Variants in KLF12 observed in about 807,000 individuals in gnomAD.
The protein encoded by KLF12 is Krueppel-like factor 12.
Under a neutral mutation model 37.8 loss-of-function variants are expected in KLF12, and 9 were observed. That is an observed-to-expected ratio of 0.24 (90% CI 0.14 to 0.42). The LOEUF is 0.42. Ranked by LOEUF, KLF12 falls within the 10% of genes least tolerant of loss-of-function variation. The pLI is 1.00. For missense variants in KLF12, 411 were observed against 516.0 expected (o/e 0.80, Z 1.97); for synonymous variants, 208 against 202.1 (o/e 1.03, Z -0.25).
intron 5 of KLF12, among the ~76,000 whole-genome samples, chr13:73,767,110 T>C (rs965607143): frequency 6.6e-6 from 1 of 152,246 alleles, no homozygotes; most frequent in Admixed American, 6.5e-5. Context: ...ACATACTTCA[T>C]CTGATAAAGT....
At chr13:73,770,988 C>T (rs1880231874) in intron 5 of KLF12, among the ~76,000 whole-genome samples, 1 of 152,088 alleles carries the variant, frequency 6.6e-6, no homozygotes, top group African/African-American at 2.4e-5. Context: ...ATTTGGTGTG[C>T]AATTATAATG....
chr13:73,741,081 C>T (rs9530233), intron 6 of KLF12, among the ~76,000 whole-genome samples: 1 of 152,072 alleles, frequency 6.6e-6, no homozygotes, highest in African/African-American at 2.4e-5. Context: ...TCTATAACAT[C>T]GTTCTGCTGA....
the KLF12 span, among the ~76,000 whole-genome samples, chr13:74,202,402 C>T: frequency 6.6e-6 from 1 of 152,160 alleles, no homozygotes; most frequent in South Asian, 2.1e-4. Context: ...AACCTGCAAA[C>T]AAACTCACAC....
chr13:74,124,138 T>G (rs550449749), intron 1 of KLF12, among the ~76,000 whole-genome samples: 3 of 151,800 alleles, frequency 2.0e-5, no homozygotes, highest in African/African-American at 7.2e-5. Flanking sequence ...AATATAGTGC[T>G]AAAAAAAAAT....
chr13:73,727,316 T>C (rs757379359), intron 6 of KLF12, among the ~76,000 whole-genome samples: 2 of 152,226 alleles, frequency 1.3e-5, no homozygotes, highest in African/African-American at 2.4e-5. Context: ...AAGACTTTTA[T>C]AGCTTTGACT....
At chr13:74,173,283 GT>G in the KLF12 span, among the ~76,000 whole-genome samples, 11 of 152,302 alleles carry the variant, frequency 7.2e-5, no homozygotes, top group East Asian at 2.1e-3. Context: ...TACAGCTCCA[GT>G]TCTAGTCTCA....
At chr13:74,019,928 C>T (rs1043459156) in intron 1 of KLF12, among the ~76,000 whole-genome samples, 1 of 152,118 alleles carries the variant, frequency 6.6e-6, no homozygotes, top group Non-Finnish European at 1.5e-5. Flanking sequence ...ATTTCAAAAT[C>T]TTTAGGGATC....
intron 2 of KLF12, among the ~76,000 whole-genome samples, chr13:73,953,256 A>G (rs760076085): frequency 5.9e-5 from 9 of 152,200 alleles, no homozygotes; most frequent in Non-Finnish European, 1.2e-4. Context: ...GGTTCAAATC[A>G]TATAAAAAAG....
chr13:74,071,642 A>G lies in KLF12; in HGVS notation c.-32+62097T>C, dbSNP rs540593458. On this transcript the variant is annotated intron_variant, in intron 1 of 7. Coordinates refer to ENST00000377669, the MANE Select transcript of KLF12 (RefSeq NM_007249.5). ...CGGGAGGCGGAGCTTGCAGTGAGCC[A>G]AGATCGCACCACTGCACTCCAGCCT... 1.1e-3 allele frequency among the ~76,000 whole-genome samples: 170 copies of G among 152,280 alleles called. 1 individual carries two copies. The highest frequency in any genetic ancestry group is 4.6e-3 in the East Asian group (24 of 5,172).
At chr13:73,750,879 C>A (rs2137967909) in intron 6 of KLF12, among the ~76,000 whole-genome samples, 1 of 152,160 alleles carries the variant, frequency 6.6e-6, no homozygotes, top group East Asian at 1.9e-4. Flanking sequence ...AATTTAGGGT[C>A]CACGGGAAGA....
At chr13:74,202,240 G>A in the KLF12 span, among the ~76,000 whole-genome samples, 19 of 152,132 alleles carry the variant, frequency 1.2e-4, no homozygotes, top group Non-Finnish European at 2.4e-4. Flanking sequence ...CACAGAGGGA[G>A]GGAGAATTTT....
chr13:74,057,409 G>C (rs1193241014), intron 1 of KLF12, among the ~76,000 whole-genome samples: 2 of 152,050 alleles, frequency 1.3e-5, no homozygotes, highest in Non-Finnish European at 2.9e-5. Context: ...AATCTCACTG[G>C]GCTCCCAAAG....
At chr13:73,919,535 G>T (rs1466883104) in intron 3 of KLF12, among the ~76,000 whole-genome samples, 1 of 152,122 alleles carries the variant, frequency 6.6e-6, no homozygotes, top group Non-Finnish European at 1.5e-5. Context: ...TTAAAAAAAG[G>T]TCTAAATTCC....
At chr13:74,231,899 T>C in the KLF12 span, 3 of 152,192 alleles carry the variant, frequency 2.0e-5, no homozygotes, top group East Asian at 5.8e-4. Context: ...TATTATCATG[T>C]TAGGTTTGTA....
the KLF12 span, among the ~76,000 whole-genome samples, chr13:74,304,818 A>G: frequency 1.3e-5 from 2 of 152,072 alleles, no homozygotes; most frequent in African/African-American, 4.8e-5. Context: ...TTTTTGATAA[A>G]AGAATACATG....
Position 73,845,890 on chromosome 13 carries a change from G to C in KLF12, c.607C>G (p.Pro203Ala). ...ACAATAGTGTTGTTCACATTTCCAGGTGACCTTACAGCTGTGTAGACAACA... is the reference window on the plus strand; with the variant it reads ...ACAATAGTGTTGTTCACATTTCCAGCTGACCTTACAGCTGTGTAGACAACA... Residue 203 changes from proline to alanine, a missense_variant, in exon 4 of 8, where the codon CCT becomes GCT. Transcript: ENST00000377669. The C allele has an allele frequency of 6.2e-7, 1 of 1,614,078 alleles. No homozygotes were observed. Among genetic ancestry groups the C allele is most frequent in the Non-Finnish European group, 8.5e-7 (1 of 1,179,998 alleles).
chr13:74,054,364 G>A (rs2138613565), intron 1 of KLF12, among the ~76,000 whole-genome samples: 1 of 152,270 alleles, frequency 6.6e-6, no homozygotes, highest in Non-Finnish European at 1.5e-5. Flanking sequence ...TAGGGTAGCT[G>A]TAGTCAGAAG....
At chr13:73,756,665 T>G (rs181859682) in intron 6 of KLF12, among the ~76,000 whole-genome samples, 31 of 152,272 alleles carry the variant, frequency 2.0e-4, no homozygotes, top group African/African-American at 7.0e-4. Context: ...TAAAGAGTAG[T>G]CTTTCCCATC....
chr13:74,252,840 C>T, the KLF12 span, among the ~76,000 whole-genome samples: 3,218 of 152,148 alleles, frequency 0.021, 115 homozygotes, highest in African/African-American at 0.074. Flanking sequence ...GAAACAAATA[C>T]GTTAGAAGTT....
Sources: gnomAD v4.1 joint callset for allele counts (sites outside exome capture counted in the v4.1 genomes callset) on GRCh38, gnomAD v4.1.1 for gene constraint, MANE v1.5 for transcripts, NCBI Gene and HGNC (gene_info 2026-07-23, HGNC 2026-07-21) for gene names.